ZDHHC20: variants seen among roughly 807,000 people sequenced by gnomAD.
ZDHHC20 encodes zDHHC palmitoyltransferase 20.
ZDHHC20 carries 43 observed loss-of-function variants against 57.8 expected under a neutral mutation model. The observed-to-expected ratio is 0.74, with a 90% CI of 0.58 to 0.96. The LOEUF (loss-of-function observed/expected upper bound fraction) is 0.96, where lower values mean the gene tolerates loss of function less well. ZDHHC20 is among the 40% of genes least tolerant of loss of function. ZDHHC20 has a pLI of 0.00. For synonymous variants in ZDHHC20, 157 were observed against 153.0 expected (o/e 1.03, Z -0.19); for missense variants, 391 against 441.1 (o/e 0.89, Z 1.02).
chr13:21,379,661 T>C (rs542470371), intron 11 of ZDHHC20, among the ~76,000 whole-genome samples: 10 of 152,264 alleles, frequency 6.6e-5, no homozygotes, highest in South Asian at 4.1e-4. Flanking sequence ...TTTTAGACTG[T>C]AATGCTAGTT....
chr13:21,410,803 G>A (rs980099417), intron 4 of ZDHHC20, among the ~76,000 whole-genome samples: 2 of 152,210 alleles, frequency 1.3e-5, no homozygotes, highest in Admixed American at 6.5e-5. Flanking sequence ...GGGGTCTGTG[G>A]AGGTGGGATC....
chr13:21,429,914 T>C (rs1250600412), intron 1 of ZDHHC20, among the ~76,000 whole-genome samples: 2 of 152,216 alleles, frequency 1.3e-5, no homozygotes, highest in Admixed American at 1.3e-4. Flanking sequence ...AAATTTTGGC[T>C]ATTGTATTTT....
intron 7 of ZDHHC20, among the ~76,000 whole-genome samples, chr13:21,398,597 T>C (rs1000165841): frequency 1.3e-5 from 2 of 152,206 alleles, no homozygotes; most frequent in African/African-American, 4.8e-5. Flanking sequence ...TTTCCCCTAG[T>C]ATACCACCCT....
chr13:21,398,208 T>TA (rs1877093637), intron 7 of ZDHHC20, among the ~76,000 whole-genome samples: 1 of 152,094 alleles, frequency 6.6e-6, no homozygotes, highest in Admixed American at 6.5e-5. Flanking sequence ...CTCACACCTG[T>TA]AATCCCAGCA....
At chr13:21,451,090 C>T (rs1448822812) in intron 1 of ZDHHC20, among the ~76,000 whole-genome samples, 2 of 152,060 alleles carry the variant, frequency 1.3e-5, no homozygotes, top group Admixed American at 6.6e-5. Context: ...TCACATTTAA[C>T]TTTTCCTATA....
chr13:21,382,924 T>C lies in ZDHHC20; in HGVS notation c.940A>G (p.Arg314Gly). ...ASVTNQNEYA[R>G]SSGSNQPFPI... Reference sequence around the variant, plus strand: ...GCATAAGGACAATAAGCATACCTTCTGGCATACTCATTCTGGTTTGTAACA... The same window carrying C: ...GCATAAGGACAATAAGCATACCTTCCGGCATACTCATTCTGGTTTGTAACA... Residue 314 changes from arginine to glycine, a missense_variant, in exon 10 of 13, where the codon AGA becomes GGA. Arg to Gly is a moderately radical substitution (Grantham distance 125). Coordinates refer to ENST00000400590, the MANE Select transcript of ZDHHC20 (RefSeq NM_001330059.2). 2 of 1,557,692 alleles carry C rather than the reference T, an allele frequency of 1.3e-6. No homozygotes were observed. Among genetic ancestry groups the C allele is most frequent in the Non-Finnish European group, 8.7e-7 (1 of 1,149,670 alleles).
At chr13:21,446,552 T>C (rs7331745) in intron 1 of ZDHHC20, among the ~76,000 whole-genome samples, 58,592 of 152,084 alleles carry the variant, frequency 0.39, 11,628 homozygotes, top group Non-Finnish European at 0.43. Flanking sequence ...AAAGCCAAAA[T>C]AGAGATGTTT....
chr13:21,455,852 A>G (rs1226353283), intron 1 of ZDHHC20, among the ~76,000 whole-genome samples: 4 of 152,212 alleles, frequency 2.6e-5, no homozygotes, highest in South Asian at 2.1e-4. Context: ...TATCATATAC[A>G]GGACTGAAAT....
rs1566051374 is a variant in ZDHHC20 at position 21,373,319 on chromosome 13, T to C, written c.*3377A>G. On this transcript the variant is annotated 3_prime_UTR_variant, in exon 13 of 13. Coordinates refer to ENST00000400590, the MANE Select transcript of ZDHHC20 (RefSeq NM_001330059.2). ...TAACTGAAAGATCTCACATGCCTGA[T>C]AATCCTTAATTTAAACCGTCCTGTA... The C allele has an allele frequency of 2.0e-5, 3 of 152,208 alleles. No homozygotes were observed. The highest frequency in any genetic ancestry group is 1.3e-4 in the Admixed American group (2 of 15,280). 9.4% of individuals were successfully genotyped at this position (152,208 alleles called of 1,614,324 possible). A position where few individuals can be genotyped will look rare whatever the true frequency, so the allele number is the denominator to read the frequency against.
intron 1 of ZDHHC20, among the ~76,000 whole-genome samples, chr13:21,440,011 G>T (rs1199409696): frequency 1.4e-5 from 2 of 142,954 alleles, no homozygotes; most frequent in African/African-American, 5.2e-5. Flanking sequence ...AGGTTTCAGT[G>T]AGCCAAGATC....
chr13:21,440,588 G>GCCAT (rs1883038396), intron 1 of ZDHHC20, among the ~76,000 whole-genome samples: 1 of 152,028 alleles, frequency 6.6e-6, no homozygotes, highest in Admixed American at 6.6e-5. Flanking sequence ...TCCAGCCTGG[G>GCCAT]TGACAACAGC....
chr13:21,423,760 A>G (rs1041292865), intron 2 of ZDHHC20, among the ~76,000 whole-genome samples: 9 of 151,594 alleles, frequency 5.9e-5, no homozygotes, highest in African/African-American at 2.2e-4. Flanking sequence ...TTCCTTTGGA[A>G]AAGTGTGCAA....
At chr13:21,416,528 A>G (rs986927106) in intron 3 of ZDHHC20, among the ~76,000 whole-genome samples, 1 of 152,226 alleles carries the variant, frequency 6.6e-6, no homozygotes, top group East Asian at 1.9e-4. Flanking sequence ...TGCCTTCAAA[A>G]AGTATATTTC....
At chr13:21,393,078 G>T (rs1876039851) in intron 7 of ZDHHC20, among the ~76,000 whole-genome samples, 1 of 151,840 alleles carries the variant, frequency 6.6e-6, no homozygotes, top group Admixed American at 6.6e-5. Flanking sequence ...CCTGTTGAAA[G>T]AACACTAAGA....
intron 7 of ZDHHC20, among the ~76,000 whole-genome samples, chr13:21,397,776 A>T (rs1456174852): frequency 6.6e-6 from 1 of 152,320 alleles, no homozygotes; most frequent in East Asian, 1.9e-4. Flanking sequence ...AAATTTCACA[A>T]AAAAGACATG....
chr13:21,441,448 C>T (rs372518902), intron 1 of ZDHHC20, among the ~76,000 whole-genome samples: 3 of 149,036 alleles, frequency 2.0e-5, no homozygotes, highest in Non-Finnish European at 4.4e-5. Flanking sequence ...TGCAGTGGCG[C>T]GATCTCCACT....
chr13:21,430,897 T>C (rs879305390), intron 1 of ZDHHC20, among the ~76,000 whole-genome samples: 1 of 152,180 alleles, frequency 6.6e-6, no homozygotes, highest in Non-Finnish European at 1.5e-5. Context: ...TTTCCATGGA[T>C]TTTAGCTGTA....
At chr13:21,414,399 C>T (rs1037756712) in intron 3 of ZDHHC20, among the ~76,000 whole-genome samples, 5 of 150,576 alleles carry the variant, frequency 3.3e-5, no homozygotes, top group East Asian at 1.9e-4. Flanking sequence ...CTTGCTCTGT[C>T]GCCCAGGCTA....
Position 21,452,233 on chromosome 13 carries a change from G to C in ZDHHC20, c.118+6821C>G, listed in dbSNP as rs553937379. 1.6e-4 allele frequency among the ~76,000 whole-genome samples: 8 copies of C among 48,734 alleles called. No homozygotes were observed. The South Asian group carries it at 8.3e-3, about 50-fold the overall frequency. The allele number at this position is 48,734 out of a possible 152,430, so 32.0% of individuals were successfully genotyped here. A position where few individuals can be genotyped will look rare whatever the true frequency, so the allele number is the denominator to read the frequency against. ...GGATTAACTGTAAATGGGCATGAGG[G>C]ATCTTAATGTGCGACAGAAATTTTC... On this transcript the variant is annotated intron_variant, in intron 1 of 12. Transcript: ENST00000400590.
Sources: allele counts gnomAD v4.1 joint callset (sites outside exome capture counted in the v4.1 genomes callset), GRCh38; gene constraint gnomAD v4.1.1; transcripts MANE v1.5; gene names NCBI Gene and HGNC (gene_info 2026-07-23, HGNC 2026-07-21).